MIPOL1: variants seen among roughly 807,000 people sequenced by gnomAD.
MIPOL1 encodes the protein mirror-image polydactyly gene 1 protein.
Under a neutral mutation model 60.9 loss-of-function variants are expected in MIPOL1, and 57 were observed. The ratio of observed to expected loss-of-function variants is 0.94; its 90% CI spans 0.76 to 1.17. The LOEUF (loss-of-function observed/expected upper bound fraction) is 1.17, where lower values mean the gene tolerates loss of function less well. Among genes scored for constraint, MIPOL1 ranks in the 50% most tolerant of loss-of-function variants. The pLI is 0.00. For synonymous variants in MIPOL1, 179 were observed against 168.8 expected (o/e 1.06, Z -0.47); for missense variants, 551 against 511.6 (o/e 1.08, Z -0.74).
At chr14:37,487,506 A>C (rs1424074631) in intron 11 of MIPOL1, among the ~76,000 whole-genome samples, 1 of 152,066 alleles carries the variant, frequency 6.6e-6, no homozygotes, top group Non-Finnish European at 1.5e-5. Context: ...TTACTGACTC[A>C]ATTTCAGAAC....
intron 1 of MIPOL1, among the ~76,000 whole-genome samples, chr14:37,239,098 G>A (rs967739301): frequency 4.9e-5 from 7 of 142,918 alleles, no homozygotes; most frequent in African/African-American, 1.9e-4. Context: ...TGCCCAGGCT[G>A]GAGTGCAGTG....
intron 11 of MIPOL1, among the ~76,000 whole-genome samples, chr14:37,429,154 CTGT>C (rs2094017069): frequency 6.6e-6 from 1 of 152,000 alleles, no homozygotes; most frequent in Admixed American, 6.6e-5. Flanking sequence ...GATTTTTTTC[CTGT>C]TGTTATAAAC....
chr14:37,219,875 G>A (rs896370978), intron 1 of MIPOL1, among the ~76,000 whole-genome samples: 1 of 149,826 alleles, frequency 6.7e-6, no homozygotes, highest in Admixed American at 6.6e-5. Flanking sequence ...TGTTTAGCTA[G>A]TAAGTTGAAA....
chr14:37,466,859 C>T (rs1439555483), intron 11 of MIPOL1, among the ~76,000 whole-genome samples: 2 of 152,170 alleles, frequency 1.3e-5, no homozygotes, highest in African/African-American at 4.8e-5. Flanking sequence ...TAGTTTACAG[C>T]ACAGTAGCTA....
At chr14:37,204,035 G>T (rs111361624) in intron 1 of MIPOL1, among the ~76,000 whole-genome samples, 6,665 of 151,974 alleles carry the variant, frequency 0.044, 336 homozygotes, top group African/African-American at 0.12. Flanking sequence ...GCCCACCTTG[G>T]CCTCTCAAAG....
At chr14:37,386,354 A>G (rs2093066738) in intron 10 of MIPOL1, among the ~76,000 whole-genome samples, 2 of 152,030 alleles carry the variant, frequency 1.3e-5, no homozygotes, top group South Asian at 2.1e-4. Flanking sequence ...CATTCCTTCT[A>G]CATGCAAATT....
At chr14:37,200,668 T>TG (rs1399131027) in intron 1 of MIPOL1, among the ~76,000 whole-genome samples, 1 of 150,260 alleles carries the variant, frequency 6.7e-6, no homozygotes, top group Non-Finnish European at 1.5e-5. Flanking sequence ...CAGTTAGTTT[T>TG]TTTTTTTTTT....
intron 11 of MIPOL1, among the ~76,000 whole-genome samples, chr14:37,494,320 G>C (rs1225427092): frequency 6.6e-6 from 1 of 152,194 alleles, no homozygotes; most frequent in Non-Finnish European, 1.5e-5. Flanking sequence ...TGAGAAGGAA[G>C]AGTAGGATCT....
At chr14:37,408,094 A>T (rs1595639418) in intron 10 of MIPOL1, among the ~76,000 whole-genome samples, 1 of 150,764 alleles carries the variant, frequency 6.6e-6, no homozygotes, top group African/African-American at 2.4e-5. Context: ...GCTGGTCTAA[A>T]CTCCTGGCCT....
At chr14:37,324,054 A>G (rs529329981) in intron 9 of MIPOL1, among the ~76,000 whole-genome samples, 5 of 152,098 alleles carry the variant, frequency 3.3e-5, no homozygotes, top group African/African-American at 9.6e-5. Context: ...GTGGACATAC[A>G]TTTTTATTTT....
intron 9 of MIPOL1, among the ~76,000 whole-genome samples, chr14:37,353,430 T>G (rs1471097324): frequency 6.6e-6 from 1 of 150,732 alleles, no homozygotes; most frequent in Non-Finnish European, 1.5e-5. Flanking sequence ...TAAAATGAGT[T>G]AGGGAGGATT....
At chr14:37,264,211 G>T (rs1478752973) in intron 3 of MIPOL1, among the ~76,000 whole-genome samples, 1 of 151,986 alleles carries the variant, frequency 6.6e-6, no homozygotes, top group African/African-American at 2.4e-5. Context: ...ATAAATTTGG[G>T]CTATGAATAA....
chr14:37,305,038 A>T (rs552315731), intron 7 of MIPOL1, among the ~76,000 whole-genome samples: 2 of 151,870 alleles, frequency 1.3e-5, no homozygotes, highest in East Asian at 3.9e-4. Flanking sequence ...TGTACATACC[A>T]CTAGTAAACC....
intron 1 of MIPOL1, among the ~76,000 whole-genome samples, chr14:37,232,323 T>C (rs930175326): frequency 1.3e-5 from 2 of 152,216 alleles, no homozygotes; most frequent in Non-Finnish European, 1.5e-5. Flanking sequence ...GGTTAAGGTA[T>C]AGATCAGCTT....
chr14:37,461,536 T>G (rs948277161), intron 11 of MIPOL1, among the ~76,000 whole-genome samples: 9 of 151,988 alleles, frequency 5.9e-5, no homozygotes, highest in Non-Finnish European at 1.3e-4. Context: ...CTCCCAAATC[T>G]CATATCTTCA....
chr14:37,199,555 C>T lies in MIPOL1; in HGVS notation c.-199+1451C>T, dbSNP rs148441149. On this transcript the variant is annotated intron_variant, in intron 1 of 12. Coordinates refer to ENST00000684589, the MANE Select transcript of MIPOL1 (RefSeq NM_001388067.1). ...TCTTCTTTTTTTTGAGATGGAGTCT[C>T]GCTCTGCCGCCAAGGCTGGAGTGCA... Among the ~76,000 whole-genome samples, 394 of 151,538 alleles carry T rather than the reference C, an allele frequency of 2.6e-3. 2 individuals are homozygous for T. The highest frequency in any genetic ancestry group is 9.0e-3 in the African/African-American group (370 of 41,228).
In MIPOL1 at chr14:37,467,245, A is replaced by G. The variant is rs898518489; in HGVS notation, c.1032-32663A>G. 1.2e-4 allele frequency among the ~76,000 whole-genome samples: 18 copies of G among 152,210 alleles called. 1 individual carries two copies. Among genetic ancestry groups the G allele is most frequent in the Non-Finnish European group, 4.4e-5 (3 of 68,038 alleles). The stretch of plus-strand genomic sequence containing the variant: ...TGAGTTGACTTTGTTCAACTGTTCA[A>G]TTTTCACATATTGTACAGAAAAACT... On this transcript the variant is annotated intron_variant, in intron 11 of 12. Coordinates refer to ENST00000684589, the MANE Select transcript of MIPOL1 (RefSeq NM_001388067.1).
intron 10 of MIPOL1, among the ~76,000 whole-genome samples, chr14:37,395,950 T>C (rs1038625856): frequency 6.6e-6 from 1 of 152,208 alleles, no homozygotes; most frequent in Non-Finnish European, 1.5e-5. Context: ...TGGTGAATTC[T>C]TATTCATTCT....
intron 10 of MIPOL1, among the ~76,000 whole-genome samples, chr14:37,402,526 C>T (rs1004007515): frequency 6.6e-6 from 1 of 152,068 alleles, no homozygotes; most frequent in African/African-American, 2.4e-5. Flanking sequence ...GTGTTTATCC[C>T]AGGTAATTAA....
Sources: gnomAD v4.1 joint callset for allele counts (sites outside exome capture counted in the v4.1 genomes callset) on GRCh38, gnomAD v4.1.1 for gene constraint, MANE v1.5 for transcripts, NCBI Gene and HGNC (gene_info 2026-07-23, HGNC 2026-07-21) for gene names.